TMEM71: variants seen among roughly 807,000 people sequenced by gnomAD.
TMEM71 encodes the protein transmembrane protein 71.
Under a neutral mutation model 38.0 loss-of-function variants are expected in TMEM71, and 44 were observed. The ratio of observed to expected loss-of-function variants is 1.16; its 90% CI spans 0.91 to 1.49. TMEM71 has a LOEUF of 1.49. TMEM71 is among the 40% of genes most tolerant of loss of function. TMEM71 has a pLI of 0.00. For missense variants in TMEM71, 367 were observed against 348.6 expected (o/e 1.05, Z -0.42); for synonymous variants, 133 against 122.5 (o/e 1.09, Z -0.56).
At position 132,757,292 on chromosome 8, in the gene TMEM71, A is replaced by T. The variant is rs1338453526; in HGVS notation, c.43T>A (p.Ser15Thr). The T allele has an allele frequency of 1.3e-6, 2 of 1,594,590 alleles. No individual in the cohort carries two copies. The highest frequency in any genetic ancestry group is 1.7e-6 in the Non-Finnish European group (2 of 1,169,430). ...GCATATTCTCTTTCCAACCTGGAAG[A>T]ACCTGCATAAACAAATGAGAGAGAA... ...SQLMSTPVAS[S>T]SRLEREYAGE... The change falls in exon 3 of 10, where the codon TCT (serine) becomes ACT (threonine). Residue 15 changes from serine to threonine, a missense_variant and splice_region_variant. Transcript: ENST00000677595.
intron 4 of TMEM71, among the ~76,000 whole-genome samples, chr8:132,750,778 T>C (rs1176640606): frequency 1.3e-5 from 2 of 152,252 alleles, no homozygotes; most frequent in East Asian, 1.9e-4. Context: ...GACATGCCCG[T>C]CCTTTCTTTC....
downstream of TMEM71, among the ~76,000 whole-genome samples, chr8:132,707,271 T>C (rs1233074237): frequency 1.3e-5 from 2 of 152,104 alleles, no homozygotes; most frequent in East Asian, 3.9e-4. Context: ...AACTCAGCCA[T>C]AGTGGTTATT....
Position 132,727,833 on chromosome 8 carries a change from G to A in TMEM71, c.641C>T (p.Ser214Phe). Residue 214 changes from serine (S) to phenylalanine (F), a missense_variant, in exon 6 of 10, where the codon TCT becomes TTT. By Grantham distance (155) the Ser-to-Phe change is radical (BLOSUM62 -2). Transcript: ENST00000677595. ...SLSLQSQLTA[S>F]ERFQENSSDH... is the part of the protein sequence containing the mutation. ...CGAACTATTCTCTTGGAAACGTTCA[G>A]AAGCTGTCAACTGGGACTGAAGAGA... 1 of 1,613,764 alleles carries A rather than the reference G, an allele frequency of 6.2e-7. No individual in the cohort carries two copies. Among genetic ancestry groups the A allele is most frequent in the Non-Finnish European group, 8.5e-7 (1 of 1,179,830 alleles).
intron 3 of TMEM71, among the ~76,000 whole-genome samples, chr8:132,753,386 G>T (rs1175135210): frequency 6.6e-6 from 1 of 152,044 alleles, no homozygotes; most frequent in African/African-American, 2.4e-5. Context: ...GATGTTTTCA[G>T]TAATTTCTAC....
At chr8:132,774,618 G>GA in the TMEM71 span, among the ~76,000 whole-genome samples, 1 of 152,276 alleles carries the variant, frequency 6.6e-6, no homozygotes, top group Non-Finnish European at 1.5e-5. Context: ...GAAACCAAGA[G>GA]AAAAAAGATG....
At chr8:132,772,611 T>G in the TMEM71 span, among the ~76,000 whole-genome samples, 205 of 152,302 alleles carry the variant, frequency 1.3e-3, 2 homozygotes, top group African/African-American at 4.6e-3. Context: ...TTAGAGTCAA[T>G]ATTATATTCA....
chr8:132,772,571 G>C, the TMEM71 span, among the ~76,000 whole-genome samples: 6 of 152,090 alleles, frequency 3.9e-5, no homozygotes, highest in African/African-American at 1.4e-4. Context: ...TGAATTTTTT[G>C]TCAGTTTTAT....
upstream of TMEM71, among the ~76,000 whole-genome samples, chr8:132,762,465 A>C (rs1829314257): frequency 6.6e-6 from 1 of 151,328 alleles, no homozygotes; most frequent in Non-Finnish European, 1.5e-5. Context: ...TCACATCAGA[A>C]AGACTTTGGT....
intron 9 of TMEM71, among the ~76,000 whole-genome samples, chr8:132,713,506 T>C (rs1826346491): frequency 6.6e-6 from 1 of 152,128 alleles, no homozygotes. Flanking sequence ...ATCCAGACTG[T>C]TTGAAATTCT....
Position 132,710,611 on chromosome 8 carries a change from A to G in TMEM71, c.*356T>C. 2.1e-6 allele frequency: 1 copy of G among 476,376 alleles called. No homozygotes were observed. The highest frequency in any genetic ancestry group is 3.6e-6 in the Non-Finnish European group (1 of 274,572). The allele number at this position is 476,376 out of a possible 1,614,324, so 29.5% of individuals were successfully genotyped here. A position where few individuals can be genotyped will look rare whatever the true frequency, so the allele number is the denominator to read the frequency against. On this transcript the variant is annotated 3_prime_UTR_variant, in exon 10 of 10. Coordinates refer to ENST00000677595, the MANE Select transcript of TMEM71 (RefSeq NM_001382403.1). ...TGGCAGACCCAGAAATCTGGTTACA[A>G]GCTCCTCACAGAATTTCCTAATGAA... is the stretch of plus-strand genomic sequence containing the variant.
At position 132,721,954 on chromosome 8, in the gene TMEM71, T is replaced by C. The variant is rs1391028727; in HGVS notation, c.752+86A>G. ...CAACCACAGAGCTACCTAAAATGTT[T>C]TGTGGAATAAGGCAAGGAAATCATC... On this transcript the variant is annotated intron_variant, in intron 7 of 9. Coordinates refer to ENST00000677595, the MANE Select transcript of TMEM71 (RefSeq NM_001382403.1). 7 of 1,186,068 alleles carry C rather than the reference T, an allele frequency of 5.9e-6. No individual in the cohort carries two copies. In the East Asian group the frequency reaches 1.2e-4, roughly 20 times the overall value. The allele number at this position is 1,186,068 out of a possible 1,614,324, so 73.5% of individuals were successfully genotyped here. A position where few individuals can be genotyped will look rare whatever the true frequency, so the allele number is the denominator to read the frequency against.
chr8:132,752,308 G>A (rs1159111413), intron 3 of TMEM71, among the ~76,000 whole-genome samples: 1 of 152,134 alleles, frequency 6.6e-6, no homozygotes, highest in Non-Finnish European at 1.5e-5. Flanking sequence ...TGGATGGGAT[G>A]GTGGAAGCTC....
Position 132,747,025 on chromosome 8 carries a change from A to G in TMEM71, c.404T>C (p.Phe135Ser). 1 of 1,613,892 alleles carries G rather than the reference A, an allele frequency of 6.2e-7. No homozygotes were observed. The highest frequency in any genetic ancestry group is 8.5e-7 in the Non-Finnish European group (1 of 1,179,910). ...TSKSWLHGSI[F>S]GDINSSPSED... ...ACTTGGAGAAGAGTTGATGTCACCA[A>G]AGATACTTCCATGCAGCCAAGATTT... The change falls in exon 5 of 10, where the codon TTT becomes TCT. Residue 135 changes from phenylalanine (F) to serine (S), a missense_variant. Physicochemically the swap from Phe to Ser is radical, Grantham distance 155. Transcript: ENST00000677595.
intron 5 of TMEM71, among the ~76,000 whole-genome samples, chr8:132,744,918 T>C (rs1381950422): frequency 5.3e-5 from 8 of 151,974 alleles, no homozygotes; most frequent in Admixed American, 5.2e-4. Flanking sequence ...TGACAAAAAA[T>C]AGCAATAGGG....
chr8:132,742,288 C>T (rs767482156), intron 5 of TMEM71, among the ~76,000 whole-genome samples: 89 of 152,286 alleles, frequency 5.8e-4, no homozygotes, highest in Admixed American at 2.2e-3. Context: ...TCTCTTGCCT[C>T]GGCGCCTGGA....
chr8:132,737,966 A>G (rs1388928297), intron 5 of TMEM71, among the ~76,000 whole-genome samples: 2 of 152,194 alleles, frequency 1.3e-5, no homozygotes, highest in East Asian at 3.8e-4. Flanking sequence ...CCCATAAGAT[A>G]TCTCAAATTC....
At chr8:132,774,247 T>C in the TMEM71 span, among the ~76,000 whole-genome samples, 1 of 152,202 alleles carries the variant, frequency 6.6e-6, no homozygotes. Flanking sequence ...TGATGAGAAA[T>C]TTCTCAAACA....
At chr8:132,723,241 A>G (rs1563745003) in intron 6 of TMEM71, among the ~76,000 whole-genome samples, 1 of 152,238 alleles carries the variant, frequency 6.6e-6, no homozygotes, top group Non-Finnish European at 1.5e-5. Context: ...TGAATACTCA[A>G]CCATCCTTCT....
chr8:132,744,186 C>T lies in TMEM71; in HGVS notation c.487+2756G>A, dbSNP rs369243999. ...TTCTATCCCCTGACCTACCACAGTG[C>T]CTGGAAAATGGTAAGTGTCCAATAA... On this transcript the variant is annotated intron_variant, in intron 5 of 9. Transcript: ENST00000677595. 2.4e-4 allele frequency among the ~76,000 whole-genome samples: 37 copies of T among 152,216 alleles called. No individual in the cohort carries two copies. In the East Asian group the frequency reaches 4.6e-3, roughly 19 times the overall value.
Sources: allele counts gnomAD v4.1 joint callset (sites outside exome capture counted in the v4.1 genomes callset), GRCh38; gene constraint gnomAD v4.1.1; transcripts MANE v1.5; gene names NCBI Gene and HGNC (gene_info 2026-07-23, HGNC 2026-07-21).